PTPRN2: variants seen among roughly 807,000 people sequenced by gnomAD.
PTPRN2 encodes the protein receptor-type tyrosine-protein phosphatase N2.
Under a neutral mutation model 118.8 loss-of-function variants are expected in PTPRN2, and 74 were observed. That is an observed-to-expected ratio of 0.62 (90% CI 0.52 to 0.76). The LOEUF is 0.76. Among genes scored for constraint, PTPRN2 ranks in the 30% least tolerant of loss-of-function variants. The pLI, the probability that PTPRN2 is intolerant of heterozygous loss-of-function variation, is 0.00. For missense variants in PTPRN2, 1,481 were observed against 1,394.4 expected, an observed-to-expected ratio of 1.06 and a Z score of -0.99; for synonymous variants, 641 against 608.0, an observed-to-expected ratio of 1.05 and a Z score of -0.80.
In PTPRN2 at chr7:158,132,077, GAC is replaced by G. The variant is rs773917301; in HGVS notation, c.1556+1598_1556+1599del. Among the ~76,000 whole-genome samples the G allele has an allele frequency of 6.4e-4, 95 of 147,794 alleles. 1 individual carries two copies. Among genetic ancestry groups the G allele is most frequent in the East Asian group, 5.2e-3 (26 of 4,962 alleles). ...TGCACAAACCGATACACATCTACCT[GAC>G]ACACACACACACGCACATATGCACA... On this transcript the variant is annotated intron_variant, in intron 9 of 22. Transcript: ENST00000389418.
In PTPRN2 at chr7:157,860,539, C is replaced by T. The variant is rs1351835852; in HGVS notation, c.1788+38134G>A. Among the ~76,000 whole-genome samples the T allele has an allele frequency of 2.0e-5, 3 of 152,378 alleles. 1 individual carries two copies. Among genetic ancestry groups the T allele is most frequent in the South Asian group, 4.1e-4 (2 of 4,826 alleles). ...TCTTTGTTCTCCTATAGGAACGTTT[C>T]AGAGCTGAGTCCACATATCTAATTG... is the stretch of plus-strand genomic sequence containing the variant. On this transcript the variant is annotated intron_variant, in intron 12 of 22. Transcript: ENST00000389418.
intron 14 of PTPRN2, among the ~76,000 whole-genome samples, chr7:157,655,736 C>T (rs1487373472): frequency 6.6e-6 from 1 of 152,200 alleles, no homozygotes; most frequent in Non-Finnish European, 1.5e-5. Flanking sequence ...ACGTGCTGCG[C>T]TATTGACAGC....
At chr7:157,796,938 A>G (rs1804905224) in intron 12 of PTPRN2, among the ~76,000 whole-genome samples, 1 of 152,100 alleles carries the variant, frequency 6.6e-6, no homozygotes. Context: ...TCGACAGGAG[A>G]TTTTGGGGCA....
intron 3 of PTPRN2, among the ~76,000 whole-genome samples, chr7:158,213,667 A>G (rs1031046483): frequency 1.3e-5 from 2 of 152,338 alleles, no homozygotes; most frequent in African/African-American, 4.8e-5. Context: ...TTTTGTTTAT[A>G]TAGCTATTTC....
At position 157,729,110 on chromosome 7, in the gene PTPRN2, G is replaced by C. The variant is rs1799752961; in HGVS notation, c.1789-46173C>G. Among the ~76,000 whole-genome samples, 1 of 152,060 alleles carries C rather than the reference G, an allele frequency of 6.6e-6. No homozygotes were observed. Among genetic ancestry groups the C allele is most frequent in the Non-Finnish European group, 1.5e-5 (1 of 68,002 alleles). On this transcript the variant is annotated intron_variant, in intron 12 of 22. Coordinates refer to ENST00000389418, the MANE Select transcript of PTPRN2 (RefSeq NM_002847.5). This position sits in a 1 kb window ranked among gnomAD's most constrained non-coding sequence, Gnocchi z 4.3. ...CGGGGAGGAAAACAGAAAAGATGCA[G>C]AAGTTGATAATTGCTTTGATATACC...
In PTPRN2 at chr7:158,547,532, C is replaced by T. The variant is rs1826365163; in HGVS notation, c.112+40026G>A. Among the ~76,000 whole-genome samples the T allele has an allele frequency of 1.3e-5, 2 of 152,200 alleles. 1 individual carries two copies. Among genetic ancestry groups the T allele is most frequent in the South Asian group, 4.1e-4 (2 of 4,830 alleles). On this transcript the variant is annotated intron_variant, in intron 1 of 22. Transcript: ENST00000389418. ...TTCCATATAATGTTCTCAAGGCGCACCCATGCTGTCGCAGAGGTCAGGGCT... is the reference window on the plus strand; with the variant it reads ...TTCCATATAATGTTCTCAAGGCGCATCCATGCTGTCGCAGAGGTCAGGGCT...
At chr7:157,733,397 C>CTT (rs199889556) in intron 12 of PTPRN2, among the ~76,000 whole-genome samples, 2 of 84,828 alleles carry the variant, frequency 2.4e-5, no homozygotes, top group African/African-American at 6.1e-5. Flanking sequence ...CACAGTTACC[C>CTT]TTCCACCCCA....
At chr7:157,854,028 C>T (rs1809494705) in intron 12 of PTPRN2, among the ~76,000 whole-genome samples, 1 of 152,224 alleles carries the variant, frequency 6.6e-6, no homozygotes, top group Non-Finnish European at 1.5e-5. Flanking sequence ...CAGAAGAAAC[C>T]AGCCCTGCCC....
intron 14 of PTPRN2, among the ~76,000 whole-genome samples, chr7:157,649,925 C>T (rs62476825): frequency 4.7e-5 from 3 of 63,384 alleles, no homozygotes; most frequent in Non-Finnish European, 1.3e-4. Context: ...CTCGGTGGGT[C>T]GGACCCATCC....
chr7:157,972,291 T>C (rs915750001), intron 11 of PTPRN2, among the ~76,000 whole-genome samples: 1 of 152,210 alleles, frequency 6.6e-6, no homozygotes, highest in Non-Finnish European at 1.5e-5. Flanking sequence ...ATGCACATCA[T>C]TCTAAGGATG....
rs1200534174 is a variant in PTPRN2 at position 157,907,435 on chromosome 7, T to C, written c.1724-8698A>G. On this transcript the variant is annotated intron_variant, in intron 11 of 22. Transcript: ENST00000389418. ...GGGTGTCCCGGGTGGCAGTATCTCC[T>C]TGTCCTCTGCGTGTGGGGTGTCCCG... Among the ~76,000 whole-genome samples the C allele has an allele frequency of 2.7e-3, 197 of 72,368 alleles. No individual in the cohort carries two copies. The Middle Eastern group carries it at 0.036, about 13-fold the overall frequency. The allele number at this position is 72,368 out of a possible 152,430, so 47.5% of individuals were successfully genotyped here.
intron 12 of PTPRN2, chr7:157,856,278 A>G (rs1024196274): frequency 6.6e-6 from 1 of 152,266 alleles, no homozygotes; most frequent in African/African-American, 2.4e-5. Context: ...TAGGAGACCC[A>G]GTTGTCTGAA....
intron 2 of PTPRN2, among the ~76,000 whole-genome samples, chr7:158,464,537 G>A (rs964910399): frequency 4.8e-5 from 7 of 144,924 alleles, no homozygotes; most frequent in South Asian, 2.3e-4. Context: ...CCTTACCATC[G>A]CCATCATTGC....
chr7:158,201,865 G>A (rs536007855), intron 4 of PTPRN2, among the ~76,000 whole-genome samples: 2 of 152,062 alleles, frequency 1.3e-5, no homozygotes, highest in African/African-American at 2.4e-5. Flanking sequence ...GATGTCTCAC[G>A]CCTCCCTAAA....
chr7:158,265,266 G>C (rs554032786), intron 3 of PTPRN2, among the ~76,000 whole-genome samples: 5 of 152,122 alleles, frequency 3.3e-5, no homozygotes. Context: ...GTGGCTCAGA[G>C]TGGTCCCCAG....
chr7:157,947,556 T>C (rs1168680219), intron 11 of PTPRN2, among the ~76,000 whole-genome samples: 2 of 152,176 alleles, frequency 1.3e-5, no homozygotes, highest in Non-Finnish European at 2.9e-5. Context: ...TGTCTGGTGG[T>C]TCCTTGAGAA....
chr7:158,359,520 C>A (rs1051395718), intron 2 of PTPRN2, among the ~76,000 whole-genome samples: 2 of 152,058 alleles, frequency 1.3e-5, no homozygotes, highest in African/African-American at 4.8e-5. Flanking sequence ...AGGACTCCTG[C>A]GGCCTTCAAA....
At chr7:158,372,649 G>A (rs1463406211) in intron 2 of PTPRN2, among the ~76,000 whole-genome samples, 1 of 150,272 alleles carries the variant, frequency 6.7e-6, no homozygotes, top group African/African-American at 2.4e-5. Context: ...CACCACGCTG[G>A]TTCCCGGAGC....
chr7:157,669,433 A>ACG, intron 13 of PTPRN2: 1 of 455,922 alleles, frequency 2.2e-6, no homozygotes, highest in African/African-American at 2.0e-5. Context: ...GCGCACACAC[A>ACG]CACACACCCA....
Sources: gnomAD v4.1 joint callset for allele counts (sites outside exome capture counted in the v4.1 genomes callset) on GRCh38, gnomAD v4.1.1 for gene constraint, Gnocchi (gnomAD v3.1) non-coding constraint, MANE v1.5 for transcripts, NCBI Gene and HGNC (gene_info 2026-07-23, HGNC 2026-07-21) for gene names.